The following L3MBTL2 variants were observed in gnomAD, a reference collection of about 807,000 sequenced individuals.
L3MBTL2 encodes the protein lethal(3)malignant brain tumor-like protein 2.
A neutral mutation model predicts 86.4 loss-of-function variants in L3MBTL2; 49 were observed. That is an observed-to-expected ratio of 0.57 (90% confidence interval 0.45 to 0.72). The LOEUF (loss-of-function observed/expected upper bound fraction) is 0.72. Ranked by LOEUF, L3MBTL2 falls within the 30% of genes least tolerant of loss-of-function variation. The pLI is 0.00. For synonymous variants in L3MBTL2, 336 were observed against 350.6 expected (o/e 0.96, Z 0.47); for missense variants, 755 against 923.7 (o/e 0.82, Z 2.37).
chr22:41,211,305 A>G (rs537908530), intron 2 of L3MBTL2, among the ~76,000 whole-genome samples: 125 of 152,156 alleles, frequency 8.2e-4, no homozygotes, highest in African/African-American at 3.0e-3. Context: ...GGCTCAGGCA[A>G]TCCTTCCACC....
At chr22:41,218,203 C>G (rs2031543494) in intron 5 of L3MBTL2, 1 of 152,216 alleles carries the variant, frequency 6.6e-6, no homozygotes, top group Non-Finnish European at 1.5e-5. Context: ...TGGCTGAAGC[C>G]AGGGCTGAGA....
At chr22:41,229,983 G>T (rs1240293153) in intron 16 of L3MBTL2, among the ~76,000 whole-genome samples, 156 bp from the exon 17 acceptor site, 1 of 152,150 alleles carries the variant, frequency 6.6e-6, no homozygotes, top group Non-Finnish European at 1.5e-5. Flanking sequence ...TTGGCCCTTT[G>T]CTGCTGCCAC....
chr22:41,207,588 AAT>A (rs1160621474), intron 1 of L3MBTL2, among the ~76,000 whole-genome samples: 2 of 152,074 alleles, frequency 1.3e-5, no homozygotes, highest in Non-Finnish European at 2.9e-5. Flanking sequence ...AGCACTGCAA[AAT>A]TGACTTGCTG....
In L3MBTL2 at chr22:41,223,941, G is replaced by A. The variant is rs116507124; in HGVS notation, c.943-79G>A. 6,019 of 1,132,582 alleles carry A rather than the reference G, an allele frequency of 5.3e-3. 227 individuals carry two copies. In the African/African-American group the frequency reaches 0.082, roughly 15 times the overall value. 70.2% of individuals were successfully genotyped at this position (1,132,582 alleles called of 1,614,324 possible). A position where few individuals can be genotyped will look rare whatever the true frequency, so the allele number is the denominator to read the frequency against. The stretch of plus-strand genomic sequence containing the variant: ...TGGGGGATAACACCACACCTTCCCT[G>A]TCCTCCACTCACCAGAGCAGGAGGG... On this transcript the variant is annotated intron_variant, in intron 8 of 16. Transcript: ENST00000216237.
intron 5 of L3MBTL2, chr22:41,218,129 T>G (rs2031537491): frequency 6.6e-6 from 1 of 152,264 alleles, no homozygotes; most frequent in Non-Finnish European, 1.5e-5. Context: ...CTAGCGCAAC[T>G]GTGTCCGGGT....
In L3MBTL2 at chr22:41,227,722, TG is replaced by T. The variant is rs1249651796; in HGVS notation, c.1823-78del. On this transcript the variant is annotated intron_variant, in intron 14 of 16. Transcript: ENST00000216237. This position sits in a 1 kb window ranked among gnomAD's most constrained non-coding sequence, Gnocchi z 6.0. Reference sequence around the variant, plus strand: ...GGGGTGTCTCGTGTGGGAGGGTGGATGGGGTCTCGGGATGCGCCTGTGCCCT... The same window carrying T: ...GGGGTGTCTCGTGTGGGAGGGTGGATGGGTCTCGGGATGCGCCTGTGCCCT... The T allele has an allele frequency of 6.2e-7, 1 of 1,606,574 alleles. No individual in the cohort carries two copies. Among genetic ancestry groups the T allele is most frequent in the South Asian group, 1.1e-5 (1 of 90,108 alleles).
chr22:41,219,495 C>T lies in L3MBTL2; in HGVS notation c.677C>T (p.Pro226Leu). 1 of 1,613,890 alleles carries T rather than the reference C, an allele frequency of 6.2e-7. No individual in the cohort carries two copies. The highest frequency in any genetic ancestry group is 8.5e-7 in the Non-Finnish European group (1 of 1,179,866). Residue 226 changes from proline to leucine, a missense_variant, in exon 6 of 17, where the codon CCC becomes CTC. Pro to Leu is a moderately conservative substitution (Grantham distance 98). Coordinates refer to ENST00000216237, the MANE Select transcript of L3MBTL2 (RefSeq NM_031488.5). The stretch of plus-strand genomic sequence containing the variant: ...GTGCTCAACAGTGATGCTGTGCTCC[C>T]CAGCCGGGTGTACTGGATCGCCTCT... ...VEVLNSDAVL[P>L]SRVYWIASVI...
rs1039897908 is a variant in L3MBTL2, at chr22:41,230,442, C to T, written c.*191C>T. On this transcript the variant is annotated 3_prime_UTR_variant, in exon 17 of 17. Coordinates refer to ENST00000216237, the MANE Select transcript of L3MBTL2 (RefSeq NM_031488.5). ...GGACCCGCCTGTTGCTTCTGCCCTCCCCTGTGGAAAGGTCTATATGACGGG... is the reference window on the plus strand; with the variant it reads ...GGACCCGCCTGTTGCTTCTGCCCTCTCCTGTGGAAAGGTCTATATGACGGG... The T allele has an allele frequency of 1.7e-6, 1 of 589,366 alleles. No individual in the cohort carries two copies. The highest frequency in any genetic ancestry group is 1.9e-5 in the African/African-American group (1 of 53,226). The allele number at this position is 589,366 out of a possible 1,614,324, so 36.5% of individuals were successfully genotyped here.
Position 41,227,674 on chromosome 22 carries a change from G to A in L3MBTL2, c.1823-130G>A. 6.3e-7 allele frequency: 1 copy of A among 1,576,358 alleles called. No individual in the cohort carries two copies. Among genetic ancestry groups the A allele is most frequent in the Non-Finnish European group, 8.6e-7 (1 of 1,160,534 alleles). On this transcript the variant is annotated intron_variant, in intron 14 of 16. Coordinates refer to ENST00000216237, the MANE Select transcript of L3MBTL2 (RefSeq NM_031488.5). The surrounding 1 kb of genome is among the most constrained non-coding windows in gnomAD (Gnocchi z 6.0). ...CCTCCAGCCCCGCCCTCTCCTCATT[G>A]CCCAGGTTTGGCTTCCTGTCTTGGG...
At chr22:41,217,692 TATCCA>T (rs2031498178) in intron 5 of L3MBTL2, 1 of 160,922 alleles carries the variant, frequency 6.2e-6, no homozygotes. Context: ...AAGAACCGAA[TATCCA>T]GCAGCTGTGA....
Position 41,231,078 on chromosome 22 carries a change from C to G in L3MBTL2, c.*827C>G, listed in dbSNP as rs1052923151. 6.6e-6 allele frequency: 1 copy of G among 152,206 alleles called. No homozygotes were observed. 9.4% of individuals were successfully genotyped at this position (152,206 alleles called of 1,614,324 possible). ...AAGGGTCCAGTTCTGACTGGAGCCT[C>G]TAGAGAGCTGGGCTTGTATGTTCTT... On this transcript the variant is annotated 3_prime_UTR_variant, in exon 17 of 17. Transcript: ENST00000216237.
chr22:41,230,304 T>A lies in L3MBTL2; in HGVS notation c.*53T>A. The A allele has an allele frequency of 2.3e-6, 3 of 1,302,096 alleles. No individual in the cohort carries two copies. Among genetic ancestry groups the A allele is most frequent in the South Asian group, 1.2e-5 (1 of 84,058 alleles). 80.7% of individuals were successfully genotyped at this position (1,302,096 alleles called of 1,614,324 possible). ...GCTGGAAGCCAGCCCAGCGTTTCTCTACCACCACCACCATGCCTCCACCTG... is the reference window on the plus strand; with the variant it reads ...GCTGGAAGCCAGCCCAGCGTTTCTCAACCACCACCACCATGCCTCCACCTG... On this transcript the variant is annotated 3_prime_UTR_variant, in exon 17 of 17. Transcript: ENST00000216237.
At chr22:41,220,021 G>A (rs2031695846) in intron 6 of L3MBTL2, among the ~76,000 whole-genome samples, 1 of 152,130 alleles carries the variant, frequency 6.6e-6, no homozygotes, top group African/African-American at 2.4e-5. Context: ...ATAGGCGTGA[G>A]CCACCGTGCC....
At chr22:41,213,215 G>A (rs1300939182) in intron 2 of L3MBTL2, among the ~76,000 whole-genome samples, 2 of 152,210 alleles carry the variant, frequency 1.3e-5, no homozygotes, top group East Asian at 1.9e-4. Context: ...GCAAGGCTCC[G>A]TCTCAAAAAT....
chr22:41,226,868 C>A, intron 13 of L3MBTL2, 124 bp downstream of exon 13: 1 of 799,916 alleles, frequency 1.3e-6, no homozygotes. Context: ...CAGCCACTTT[C>A]AGGGGGAAGT....
rs1470265894 is a variant in L3MBTL2 at position 41,231,150 on chromosome 22, C to T, written c.*899C>T. ...AATGAAGAAACCATGCCTGGAGGGG[C>T]CGTGAACACAGAACCCTCAAGACAA... is the stretch of plus-strand genomic sequence containing the variant. On this transcript the variant is annotated 3_prime_UTR_variant, in exon 17 of 17. Coordinates refer to ENST00000216237, the MANE Select transcript of L3MBTL2 (RefSeq NM_031488.5). 1 of 152,148 alleles carries T rather than the reference C, an allele frequency of 6.6e-6. No individual in the cohort carries two copies. Among genetic ancestry groups the T allele is most frequent in the Non-Finnish European group, 1.5e-5 (1 of 68,032 alleles). 9.4% of individuals were successfully genotyped at this position (152,148 alleles called of 1,614,324 possible).
In L3MBTL2 at chr22:41,209,769, T is replaced by G. The variant is rs1055974350; in HGVS notation, c.98T>G (p.Phe33Cys). ...DLELFGGYDS[F>C]RSYNSSVGSE... is the part of the protein sequence containing the mutation. ...GAGCTGTTTGGTGGCTATGATAGTT[T>G]CCGGAGTTATAACAGCAGTGTGGGC... The change falls in exon 2 of 17, where the codon TTC becomes TGC. Residue 33 changes from phenylalanine (F) to cysteine (C), a missense_variant. By Grantham distance (205) the Phe-to-Cys change is radical. Around this residue, in one of 3 missense-constraint regions of L3MBTL2, gnomAD observed 103 missense variants for 105.2 expected, o/e 0.98. Transcript: ENST00000216237. 2 of 1,614,162 alleles carry G rather than the reference T, an allele frequency of 1.2e-6. No individual in the cohort carries two copies. The highest frequency in any genetic ancestry group is 1.7e-6 in the Non-Finnish European group (2 of 1,180,038).
At chr22:41,221,873 G>T (rs573136441) in intron 8 of L3MBTL2, among the ~76,000 whole-genome samples, 1 of 149,374 alleles carries the variant, frequency 6.7e-6, no homozygotes, top group Admixed American at 6.8e-5. Context: ...AAAGTGCTGG[G>T]ATTACAGGCA....
intron 15 of L3MBTL2, 41 bp from the exon 16 acceptor site, chr22:41,229,499 T>TA (rs1203094531): frequency 6.3e-7 from 1 of 1,591,030 alleles, no homozygotes; most frequent in South Asian, 1.1e-5. Context: ...CTTACCTAAA[T>TA]ACAACCCTAA....
Sources: gnomAD v4.1 joint callset for allele counts (sites outside exome capture counted in the v4.1 genomes callset) on GRCh38, gnomAD v4.1.1 for gene constraint, gnomAD v4.1.1 regional missense constraint, Gnocchi (gnomAD v3.1) non-coding constraint, MANE v1.5 for transcripts, NCBI Gene and HGNC (gene_info 2026-07-23, HGNC 2026-07-21) for gene names.